PARP4: variants seen among roughly 807,000 people sequenced by gnomAD.
PARP4 encodes the protein protein mono-ADP-ribosyltransferase PARP4.
In PARP4, 120 loss-of-function variants were observed where a neutral mutation model predicts 187.7. The observed-to-expected ratio is 0.64, with a 90% CI of 0.55 to 0.74. The LOEUF (loss-of-function observed/expected upper bound fraction) is 0.74, where lower values mean the gene tolerates loss of function less well. Among genes scored for constraint, PARP4 ranks in the 30% least tolerant of loss-of-function variants. The probability of loss-of-function intolerance (pLI) is 0.00; values close to 1 mark genes in which losing one functional copy is unlikely to be tolerated. For missense variants in PARP4, 1,836 were observed against 2,070.5 expected (o/e 0.89, Z 2.20); for synonymous variants, 654 against 740.9 (o/e 0.88, Z 1.90).
At position 24,503,605 on chromosome 13, in the gene PARP4, A is replaced by G. The variant is rs142824576; in HGVS notation, c.132+40T>C. The stretch of plus-strand genomic sequence containing the variant: ...CCATGACCCTGTTCCCTGAATGCGC[A>G]ATGTTTTATCACACTGTAGTTTATG... On this transcript the variant is annotated intron_variant, in intron 2 of 33. Transcript: ENST00000381989. 7,061 of 1,608,386 alleles carry G rather than the reference A, an allele frequency of 4.4e-3. 27 individuals are homozygous for G. Among genetic ancestry groups the G allele is most frequent in the Non-Finnish European group, 5.1e-3 (6,015 of 1,176,710 alleles).
In PARP4 at chr13:24,459,305, T is replaced by C. The variant is rs773135190; in HGVS notation, c.2304A>G (p.Thr768=). ...TTTCTTTTATACAAATCTTCTCTAC[T>C]GTATCCTGTTAAAAGAAAAATACAT... The part of the protein sequence containing the change: ...DKALNENLQD[T]VEKICIKEIG... Residue 768 remains threonine (T), a synonymous_variant, in exon 19 of 34, where the codon ACA becomes ACG. Transcript: ENST00000381989. 2.6e-6 allele frequency: 4 copies of C among 1,558,732 alleles called. No individual in the cohort carries two copies. The highest frequency in any genetic ancestry group is 2.7e-5 in the African/African-American group (2 of 72,774).
chr13:24,507,852 T>G (rs1869793589), intron 1 of PARP4, among the ~76,000 whole-genome samples: 1 of 152,224 alleles, frequency 6.6e-6, no homozygotes, highest in Non-Finnish European at 1.5e-5. Flanking sequence ...TGACACATGC[T>G]GTTATATATT....
chr13:24,432,020 C>T (rs2137437483), intron 31 of PARP4, among the ~76,000 whole-genome samples: 1 of 152,326 alleles, frequency 6.6e-6, no homozygotes, highest in African/African-American at 2.4e-5. Context: ...AGCCACCATA[C>T]CCGGCCGAGA....
chr13:24,511,508 C>A (rs1237714949), intron 1 of PARP4, among the ~76,000 whole-genome samples: 1 of 152,184 alleles, frequency 6.6e-6, no homozygotes, highest in Admixed American at 6.5e-5. Context: ...GGAACAGCCC[C>A]GATTCCTAAG....
At chr13:24,428,647 A>AATTTTTGT (rs1870178601) in intron 32 of PARP4, among the ~76,000 whole-genome samples, 1 of 152,074 alleles carries the variant, frequency 6.6e-6, no homozygotes, top group African/African-American at 2.4e-5. Flanking sequence ...ATGCCTGGCT[A>AATTTTTGT]ATTTTTGTAG....
In PARP4 at chr13:24,494,630, T is replaced by C; in HGVS notation, c.684A>G (p.Leu228=). ...CTTCAGGTGTGAAATGTTCTCTTAG[T>C]AGAAATCCTTGTTTCTTCAGTTCTT... ...YIEELKKQGF[L]LREHFTPEAT... The change falls in exon 7 of 34, where the codon CTA becomes CTG. Residue 228 remains leucine, a synonymous_variant. Coordinates refer to ENST00000381989, the MANE Select transcript of PARP4 (RefSeq NM_006437.4). The C allele has an allele frequency of 1.2e-6, 2 of 1,611,454 alleles. No homozygotes were observed. Among genetic ancestry groups the C allele is most frequent in the Non-Finnish European group, 1.7e-6 (2 of 1,178,004 alleles).
rs751409069 is a variant in PARP4 at position 24,454,087 on chromosome 13, ACT to A, written c.2759-435_2759-434del. Among the ~76,000 whole-genome samples, 14 of 146,320 alleles carry A rather than the reference ACT, an allele frequency of 9.6e-5. No homozygotes were observed. In the East Asian group the frequency reaches 2.2e-3, roughly 23 times the overall value. ...ACTCCAGCCTGGGCAACAAAGCGAG[ACT>A]CTGTCTCAAAAAAAAAAAAAAAAAA... On this transcript the variant is annotated intron_variant, in intron 22 of 33. Transcript: ENST00000381989.
chr13:24,466,879 CA>C (rs1469926282), intron 17 of PARP4, among the ~76,000 whole-genome samples: 1 of 148,992 alleles, frequency 6.7e-6, no homozygotes, highest in East Asian at 2.0e-4. Context: ...CAAGAGAAAG[CA>C]GGAAAAGCGA....
chr13:24,453,696 C>A, intron 22 of PARP4, 42 bp from the exon 23 acceptor site: 1 of 1,102,548 alleles, frequency 9.1e-7, no homozygotes, highest in South Asian at 1.2e-5. Context: ...TCCACACGTT[C>A]ACTTGCTTGA....
intron 17 of PARP4, among the ~76,000 whole-genome samples, chr13:24,467,189 G>A (rs9511290): frequency 0.51 from 77,377 of 151,948 alleles, 20,012 homozygotes; most frequent in South Asian, 0.65. Context: ...GACATAAGTC[G>A]TCCTAGGCTG....
Position 24,459,024 on chromosome 13 carries a change from G to C in PARP4, c.2424+20C>G, listed in dbSNP as rs1487085356. ...GTAGTGTTAAAATAACAGCTCTTAA[G>C]AAATCAAAGATGCACTAACCTTTTG... On this transcript the variant is annotated intron_variant, in intron 20 of 33. Transcript: ENST00000381989. 75 of 1,519,540 alleles carry C rather than the reference G, an allele frequency of 4.9e-5. No individual in the cohort carries two copies. Among genetic ancestry groups the C allele is most frequent in the Non-Finnish European group, 6.8e-5 (75 of 1,096,298 alleles). The allele number at this position is 1,519,540 out of a possible 1,614,324, so 94.1% of individuals were successfully genotyped here.
intron 23 of PARP4, 21 bp downstream of exon 23, chr13:24,453,566 C>A: frequency 6.7e-7 from 1 of 1,490,320 alleles, no homozygotes; most frequent in Non-Finnish European, 9.4e-7. Context: ...CCAGGAGATA[C>A]AGGAAGCCTC....
intron 25 of PARP4, among the ~76,000 whole-genome samples, chr13:24,448,456 G>GAAAAA (rs35479674): frequency 1.3e-5 from 2 of 148,644 alleles, no homozygotes. Flanking sequence ...AATCAATAAG[G>GAAAAA]AAAAAAAAAA....
chr13:24,483,464 G>A lies in PARP4; in HGVS notation c.1448+1189C>T, dbSNP rs373689759. ...TTGTGCCACTGCAGTCCGCAGTCCG[G>A]CCTGGGCGACAGAGCGAGACTCCGT... On this transcript the variant is annotated intron_variant, in intron 12 of 33. Coordinates refer to ENST00000381989, the MANE Select transcript of PARP4 (RefSeq NM_006437.4). 6.6e-5 allele frequency among the ~76,000 whole-genome samples: 8 copies of A among 121,030 alleles called. 3 individuals carry two copies. Among genetic ancestry groups the A allele is most frequent in the Non-Finnish European group, 1.7e-5 (1 of 58,228 alleles). The allele number at this position is 121,030 out of a possible 152,430, so 79.4% of individuals were successfully genotyped here. A position where few individuals can be genotyped will look rare whatever the true frequency, so the allele number is the denominator to read the frequency against.
At chr13:24,457,407 T>G (rs908537897) in intron 20 of PARP4, among the ~76,000 whole-genome samples, 19 of 152,120 alleles carry the variant, frequency 1.2e-4, no homozygotes, top group Non-Finnish European at 1.5e-5. Context: ...AATGATATGT[T>G]GGCAGATGAG....
chr13:24,457,437 A>C (rs1871921837), intron 20 of PARP4, among the ~76,000 whole-genome samples: 1 of 152,090 alleles, frequency 6.6e-6, no homozygotes, highest in Non-Finnish European at 1.5e-5. Context: ...GGGGCGTGAA[A>C]AGTGTCCATG....
intron 6 of PARP4, among the ~76,000 whole-genome samples, chr13:24,495,081 T>C (rs997985232): frequency 2.0e-5 from 3 of 152,146 alleles, no homozygotes; most frequent in African/African-American, 7.2e-5. Flanking sequence ...TTCAACCATG[T>C]TGGCTTGAAT....
intron 17 of PARP4, among the ~76,000 whole-genome samples, chr13:24,464,406 G>A (rs1872353446): frequency 6.6e-6 from 1 of 152,080 alleles, no homozygotes. Flanking sequence ...TATACTACAA[G>A]GCTACAGTAA....
chr13:24,483,568 T>A (rs1251059108), intron 12 of PARP4, among the ~76,000 whole-genome samples: 1 of 151,838 alleles, frequency 6.6e-6, no homozygotes. Context: ...CCTCCTGGAC[T>A]CAAGCAATCT....
Sources: gnomAD v4.1 joint callset for allele counts (sites outside exome capture counted in the v4.1 genomes callset) on GRCh38, gnomAD v4.1.1 for gene constraint, MANE v1.5 for transcripts, NCBI Gene and HGNC (gene_info 2026-07-23, HGNC 2026-07-21) for gene names.